Variants in NEK5 observed in about 807,000 individuals in gnomAD.
The protein encoded by NEK5 is NIMA related kinase 5, also known as serine/threonine-protein kinase Nek5.
In NEK5, 88 loss-of-function variants were observed where a neutral mutation model predicts 109.2. That is an observed-to-expected ratio of 0.81 (90% CI 0.68 to 0.96). NEK5 has a LOEUF of 0.96. Among genes scored for constraint, NEK5 ranks in the 40% least tolerant of loss-of-function variants. The probability of loss-of-function intolerance (pLI) is 0.00; values close to 1 mark genes in which losing one functional copy is unlikely to be tolerated. For missense variants in NEK5, 834 were observed against 920.7 expected (o/e 0.91, Z 1.22); for synonymous variants, 283 against 299.9 (o/e 0.94, Z 0.58).
intron 23 of NEK5, among the ~76,000 whole-genome samples, chr13:52,041,993 T>C (rs1481102948): frequency 6.6e-6 from 1 of 151,738 alleles, no homozygotes; most frequent in Non-Finnish European, 1.5e-5. Flanking sequence ...TAGTGAAACA[T>C]AAGAATGTAA....
At chr13:52,113,633 CT>C (rs753940562) in intron 4 of NEK5, among the ~76,000 whole-genome samples, 55 of 145,396 alleles carry the variant, frequency 3.8e-4, no homozygotes, top group East Asian at 6.0e-4. Context: ...AATTTTTTTT[CT>C]TTTTTTTTTT....
intron 8 of NEK5, among the ~76,000 whole-genome samples, chr13:52,105,376 GA>G (rs1431660554): frequency 6.6e-6 from 1 of 151,842 alleles, no homozygotes; most frequent in Admixed American, 6.6e-5. Context: ...AAATTTGTGG[GA>G]TTTTTTTTAA....
Position 52,102,225 on chromosome 13 carries a change from G to A in NEK5, c.677C>T (p.Pro226Leu), listed in dbSNP as rs142220100. The A allele has an allele frequency of 6.8e-5, 110 of 1,613,860 alleles. No individual in the cohort carries two copies. Among genetic ancestry groups the A allele is most frequent in the East Asian group, 3.1e-4 (14 of 44,874 alleles). Residue 226 changes from proline to leucine, a missense_variant, in exon 10 of 24, where the codon CCG becomes CTG. Pro to Leu is a moderately conservative substitution (Grantham distance 98). Around this residue, in one of 2 missense-constraint regions of NEK5, gnomAD observed 777 missense variants for 824.7 expected, o/e 0.94. Transcript: ENST00000684899. Reference sequence around the variant, plus strand: ...GGAATGGAGCTCACGAGAAAACCCCGGAGATATTGGGGCAAAATGTGCTTG... The same window carrying A: ...GGAATGGAGCTCACGAGAAAACCCCAGAGATATTGGGGCAAAATGTGCTTG... ...ICQAHFAPIS[P>L]GFSRELHSLI...
intron 16 of NEK5, 132 bp from the exon 17 acceptor site, chr13:52,083,484 T>A: frequency 1.6e-6 from 1 of 615,628 alleles, no homozygotes; most frequent in Non-Finnish European, 3.0e-6. Context: ...CCGCCACAGC[T>A]TCAGTATTTC....
At chr13:52,066,765 T>G (rs1954697217) in intron 20 of NEK5, among the ~76,000 whole-genome samples, 1 of 151,688 alleles carries the variant, frequency 6.6e-6, no homozygotes. Flanking sequence ...GATCACGCCT[T>G]TGCACTCCAG....
intron 5 of NEK5, 151 bp downstream of exon 5, chr13:52,112,117 C>G (rs1955769922): frequency 4.5e-6 from 2 of 444,692 alleles, no homozygotes; most frequent in Non-Finnish European, 8.0e-6. Context: ...ACTGAATCTA[C>G]CAAGAATATT....
chr13:52,056,184 T>C (rs1954553353), intron 22 of NEK5, among the ~76,000 whole-genome samples: 1 of 151,344 alleles, frequency 6.6e-6, no homozygotes, highest in Non-Finnish European at 1.5e-5. Context: ...CCAACAAAGA[T>C]CAAAAGAGAC....
At chr13:52,117,101 T>C (rs905860820) in intron 4 of NEK5, among the ~76,000 whole-genome samples, 2 of 152,174 alleles carry the variant, frequency 1.3e-5, no homozygotes, top group South Asian at 4.1e-4. Flanking sequence ...TTTGTATTTT[T>C]AGTAGAGACG....
intron 17 of NEK5, among the ~76,000 whole-genome samples, chr13:52,078,001 C>A (rs976429241): frequency 9.9e-5 from 15 of 151,562 alleles, no homozygotes; most frequent in African/African-American, 3.4e-4. Flanking sequence ...TTGAATCCAG[C>A]AGGCAGAGGT....
chr13:52,094,059 G>T (rs1191421238), intron 12 of NEK5, among the ~76,000 whole-genome samples: 1 of 152,132 alleles, frequency 6.6e-6, no homozygotes, highest in African/African-American at 2.4e-5. Context: ...ATTAAAAAAG[G>T]TCATATAACA....
intron 17 of NEK5, among the ~76,000 whole-genome samples, chr13:52,080,996 A>G (rs995272062): frequency 6.6e-6 from 1 of 150,912 alleles, no homozygotes; most frequent in African/African-American, 2.4e-5. Flanking sequence ...TTTAAAAAAA[A>G]AAAAGGTAAT....
chr13:52,054,409 C>T (rs1328643987), intron 22 of NEK5, among the ~76,000 whole-genome samples: 1 of 152,232 alleles, frequency 6.6e-6, no homozygotes, highest in African/African-American at 2.4e-5. Flanking sequence ...CAGCCTCCAA[C>T]TCCAGGGCTC....
intron 9 of NEK5, among the ~76,000 whole-genome samples, chr13:52,102,992 T>G (rs1178833004): frequency 6.6e-6 from 1 of 152,232 alleles, no homozygotes; most frequent in African/African-American, 2.4e-5. Context: ...CATATTGATA[T>G]GAAATTTTAT....
intron 22 of NEK5, among the ~76,000 whole-genome samples, chr13:52,056,632 G>T (rs975153506): frequency 6.7e-6 from 1 of 148,734 alleles, no homozygotes; most frequent in Admixed American, 6.8e-5. Flanking sequence ...TAGAACTCAG[G>T]ATTAAGAATC....
At chr13:52,073,903 C>T (rs1333559698) in intron 19 of NEK5, among the ~76,000 whole-genome samples, 1 of 152,004 alleles carries the variant, frequency 6.6e-6, no homozygotes, top group Non-Finnish European at 1.5e-5. Flanking sequence ...AATAAAATAC[C>T]TAGGAGTACA....
intron 21 of NEK5, among the ~76,000 whole-genome samples, chr13:52,063,273 CTG>C (rs1329589641): frequency 6.6e-6 from 1 of 152,246 alleles, no homozygotes; most frequent in Non-Finnish European, 1.5e-5. Flanking sequence ...CGGGGTTTCG[CTG>C]TGTTGGCCGG....
chr13:52,127,183 C>T (rs912723483), intron 3 of NEK5, among the ~76,000 whole-genome samples, 183 bp downstream of exon 3: 2 of 152,152 alleles, frequency 1.3e-5, no homozygotes, highest in Non-Finnish European at 2.9e-5. Context: ...TGCGTCCAGC[C>T]TCTTTTTAAA....
At position 52,113,654 on chromosome 13, in the gene NEK5, T is replaced by C. The variant is rs117243093; in HGVS notation, c.215-1289A>G. 5.0e-3 allele frequency among the ~76,000 whole-genome samples: 763 copies of C among 152,264 alleles called. 2 individuals carry two copies. The highest frequency in any genetic ancestry group is 0.018 in the South Asian group (88 of 4,822). ...TTTTCTTTTTTTTTTTCCTGGCCAT[T>C]TCCACTCAAAGGATGATTATGTCTT... On this transcript the variant is annotated intron_variant, in intron 4 of 23. Transcript: ENST00000684899.
At chr13:52,123,996 T>TG (rs1384221165) in intron 3 of NEK5, among the ~76,000 whole-genome samples, 1 of 152,180 alleles carries the variant, frequency 6.6e-6, no homozygotes, top group Admixed American at 6.5e-5. Context: ...AAAACTTCTC[T>TG]GAAGAGTGAA....
Sources: allele counts gnomAD v4.1 joint callset (sites outside exome capture counted in the v4.1 genomes callset), GRCh38; gene constraint gnomAD v4.1.1; regional missense constraint gnomAD v4.1.1; transcripts MANE v1.5; gene names NCBI Gene and HGNC (gene_info 2026-07-23, HGNC 2026-07-21).